NCKAP5: variants seen among roughly 807,000 people sequenced by gnomAD.
NCKAP5 encodes the protein NCK associated protein 5, also known as nck-associated protein 5.
In NCKAP5, 92 loss-of-function variants were observed where a neutral mutation model predicts 167.0. The ratio of observed to expected loss-of-function variants is 0.55; its 90% CI spans 0.47 to 0.66. NCKAP5 has a LOEUF of 0.66. NCKAP5 is among the 30% of genes least tolerant of loss of function. NCKAP5 has a pLI of 0.00. For synonymous variants in NCKAP5, 891 were observed against 877.4 expected (o/e 1.02, Z -0.27); for missense variants, 2,378 against 2,315.0 (o/e 1.03, Z -0.56).
At chr2:133,554,438 G>A (rs1687593406) in intron 2 of NCKAP5, 1 of 152,140 alleles carries the variant, frequency 6.6e-6, no homozygotes, top group African/African-American at 2.4e-5. Flanking sequence ...CAAAGGTAAG[G>A]TATATGAACC....
the NCKAP5 span, among the ~76,000 whole-genome samples, chr2:133,575,277 G>T: frequency 6.6e-6 from 1 of 152,200 alleles, no homozygotes; most frequent in Admixed American, 6.5e-5. Flanking sequence ...CAGGGTGATT[G>T]ATTTGAAACA....
chr2:133,371,192 A>G (rs867573132), intron 3 of NCKAP5, among the ~76,000 whole-genome samples: 28 of 152,230 alleles, frequency 1.8e-4, no homozygotes, highest in South Asian at 2.1e-4. Flanking sequence ...CTGGATTTGC[A>G]CCAACAAATT....
Position 132,871,214 on chromosome 2 carries a change from G to A in NCKAP5, c.649-2240C>T, listed in dbSNP as rs562454647. On this transcript the variant is annotated intron_variant, in intron 9 of 19. Coordinates refer to ENST00000409261, the MANE Select transcript of NCKAP5 (RefSeq NM_207363.3). Reference sequence around the variant, plus strand: ...TCCAACCCACACAAATTGACCAATAGCATAATAGTGAAAGTCAGTTTTCCA... The same window carrying A: ...TCCAACCCACACAAATTGACCAATAACATAATAGTGAAAGTCAGTTTTCCA... Among the ~76,000 whole-genome samples, 15 of 152,222 alleles carry A rather than the reference G, an allele frequency of 9.9e-5. No individual in the cohort carries two copies. In the South Asian group the frequency reaches 3.1e-3, roughly 32 times the overall value.
intron 6 of NCKAP5, among the ~76,000 whole-genome samples, chr2:133,058,721 A>G (rs1241221963): frequency 6.6e-6 from 1 of 152,252 alleles, no homozygotes; most frequent in African/African-American, 2.4e-5. Flanking sequence ...ACAAGAGATT[A>G]GAAATATTAC....
At chr2:133,567,943 C>G (rs1280760187) in intron 1 of NCKAP5, among the ~76,000 whole-genome samples, 1 of 152,156 alleles carries the variant, frequency 6.6e-6, no homozygotes, top group African/African-American at 2.4e-5. Flanking sequence ...CCAAACCTGA[C>G]CTCCCTGCAG....
In NCKAP5 at chr2:132,784,795, A is replaced by G. The variant is rs1179217605; in HGVS notation, c.2016T>C (p.Asp672=). ...ATTCAATGGGCTCACCGTCTTCCGC[A>G]TCAAATATCACAGTCACACATTCTT... ...SSEECVTVIF[D]AEDGEPIEFS... Residue 672 remains aspartate, a synonymous_variant, in exon 14 of 20, where the codon GAT becomes GAC. Transcript: ENST00000409261. 1 of 1,601,444 alleles carries G rather than the reference A, an allele frequency of 6.2e-7. No individual in the cohort carries two copies. Among genetic ancestry groups the G allele is most frequent in the Non-Finnish European group, 8.5e-7 (1 of 1,172,434 alleles).
chr2:132,966,137 T>C (rs1181536366), intron 7 of NCKAP5, among the ~76,000 whole-genome samples: 1 of 152,182 alleles, frequency 6.6e-6, no homozygotes, highest in Non-Finnish European at 1.5e-5. Context: ...ACTCGCTCTG[T>C]TACCCAGGCT....
At chr2:133,291,299 G>A (rs765753951) in intron 4 of NCKAP5, among the ~76,000 whole-genome samples, 1 of 152,210 alleles carries the variant, frequency 6.6e-6, no homozygotes, top group Non-Finnish European at 1.5e-5. Flanking sequence ...ACAAGTCAGT[G>A]TGATTGAGAG....
At chr2:132,979,048 A>G (rs1234769536) in intron 7 of NCKAP5, among the ~76,000 whole-genome samples, 1 of 152,188 alleles carries the variant, frequency 6.6e-6, no homozygotes, top group East Asian at 1.9e-4. Context: ...TGTGAGAATC[A>G]GCCCTGCGGC....
At chr2:133,637,254 A>T in the NCKAP5 span, among the ~76,000 whole-genome samples, 2 of 152,032 alleles carry the variant, frequency 1.3e-5, no homozygotes. Flanking sequence ...TAGGGTTTGG[A>T]AAGCCAGAGC....
At chr2:133,472,927 C>T (rs554398998) in intron 3 of NCKAP5, among the ~76,000 whole-genome samples, 35 of 152,296 alleles carry the variant, frequency 2.3e-4, no homozygotes, top group African/African-American at 7.7e-4. Context: ...TGGCCACTGC[C>T]TTGATCCAGG....
chr2:133,284,622 G>A (rs571029845), intron 4 of NCKAP5: 44 of 152,156 alleles, frequency 2.9e-4, no homozygotes, highest in African/African-American at 1.0e-3. Flanking sequence ...AATAGAAGAT[G>A]GACATTCAAG....
chr2:133,055,291 G>A (rs1008108368), intron 6 of NCKAP5, among the ~76,000 whole-genome samples: 22 of 152,054 alleles, frequency 1.4e-4, no homozygotes, highest in African/African-American at 4.3e-4. Flanking sequence ...GTGATACACC[G>A]AGCCAAGAAT....
At chr2:133,099,313 C>T (rs887705315) in intron 6 of NCKAP5, among the ~76,000 whole-genome samples, 2 of 152,146 alleles carry the variant, frequency 1.3e-5, no homozygotes, top group Non-Finnish European at 2.9e-5. Flanking sequence ...TTGTTTTCTG[C>T]ACCTGAATTT....
At chr2:132,800,852 A>G (rs13386826) in intron 11 of NCKAP5, among the ~76,000 whole-genome samples, 97,023 of 151,928 alleles carry the variant, frequency 0.64, 32,273 homozygotes, top group East Asian at 0.9. Flanking sequence ...AGGACAATCA[A>G]CTCCATGAAA....
Position 132,790,021 on chromosome 2 carries a change from A to G in NCKAP5, c.1092+2T>C. On this transcript the variant is annotated splice_donor_variant, in intron 13 of 19. Coordinates refer to ENST00000409261, the MANE Select transcript of NCKAP5 (RefSeq NM_207363.3). LOFTEE classifies it high-confidence loss of function. ...GTTCATTCCGATGCCACAGTGCCTT[A>G]CCCTTTTCCTGAGGTTCTTCCCATC... 1 of 1,610,900 alleles carries G rather than the reference A, an allele frequency of 6.2e-7. No homozygotes were observed. The highest frequency in any genetic ancestry group is 8.5e-7 in the Non-Finnish European group (1 of 1,178,362).
chr2:133,162,401 A>T (rs2083829593), intron 5 of NCKAP5, among the ~76,000 whole-genome samples: 1 of 152,246 alleles, frequency 6.6e-6, no homozygotes, highest in East Asian at 1.9e-4. Context: ...TAGCATCTTA[A>T]GTTGAAAAGG....
At chr2:132,959,529 G>A (rs527599095) in intron 8 of NCKAP5, among the ~76,000 whole-genome samples, 6 of 152,164 alleles carry the variant, frequency 3.9e-5, no homozygotes, top group Non-Finnish European at 8.8e-5. Flanking sequence ...TGTGCAGTTG[G>A]TCCCTGAGTG....
chr2:133,003,933 G>A (rs577273604), intron 6 of NCKAP5, among the ~76,000 whole-genome samples: 1 of 152,220 alleles, frequency 6.6e-6, no homozygotes, highest in Non-Finnish European at 1.5e-5. Flanking sequence ...ACTGCACGGA[G>A]AGAGGCCGAT....
Sources: allele counts gnomAD v4.1 joint callset (sites outside exome capture counted in the v4.1 genomes callset), GRCh38; gene constraint gnomAD v4.1.1; transcripts MANE v1.5; gene names NCBI Gene and HGNC (gene_info 2026-07-23, HGNC 2026-07-21).